GABRB1: variants seen among roughly 807,000 people sequenced by gnomAD.
The protein encoded by GABRB1 is gamma-aminobutyric acid type A receptor subunit beta1.
In GABRB1, 17 loss-of-function variants were observed where a neutral mutation model predicts 51.6. That is an observed-to-expected ratio of 0.33 (90% CI 0.23 to 0.49). The LOEUF (loss-of-function observed/expected upper bound fraction) is 0.49, where lower values mean the gene tolerates loss of function less well. Ranked by LOEUF, GABRB1 falls within the 20% of genes least tolerant of loss-of-function variation. The probability of loss-of-function intolerance (pLI) is 0.99; values close to 1 mark genes in which losing one functional copy is unlikely to be tolerated. For missense variants in GABRB1, 410 were observed against 600.6 expected, an observed-to-expected ratio of 0.68 and a Z score of 3.32; for synonymous variants, 247 against 218.9, an observed-to-expected ratio of 1.13 and a Z score of -1.14.
chr4:47,160,231 A>G (rs967658054), intron 3 of GABRB1, among the ~76,000 whole-genome samples: 2 of 152,114 alleles, frequency 1.3e-5, no homozygotes, highest in Admixed American at 6.6e-5. Flanking sequence ...GAAGGTGAAG[A>G]AACAAACTTT....
intron 3 of GABRB1, among the ~76,000 whole-genome samples, chr4:47,114,849 T>C (rs1715396100): frequency 6.6e-6 from 1 of 152,198 alleles, no homozygotes; most frequent in Non-Finnish European, 1.5e-5. Context: ...ACATGGCTAC[T>C]ATCTAAGCGC....
intron 5 of GABRB1, among the ~76,000 whole-genome samples, chr4:47,390,741 G>C (rs1323434963): frequency 6.6e-6 from 1 of 152,162 alleles, no homozygotes; most frequent in Admixed American, 6.5e-5. Context: ...GGTTGTTTAG[G>C]TGTGAGTAAA....
At chr4:47,410,945 A>G (rs912899678) in intron 8 of GABRB1, among the ~76,000 whole-genome samples, 1 of 152,242 alleles carries the variant, frequency 6.6e-6, no homozygotes, top group Non-Finnish European at 1.5e-5. Flanking sequence ...AAGTCTCCAC[A>G]TATTCTGGAT....
intron 5 of GABRB1, among the ~76,000 whole-genome samples, chr4:47,397,415 T>G (rs182092230): frequency 7.9e-5 from 12 of 152,344 alleles, no homozygotes; most frequent in South Asian, 2.1e-4. Flanking sequence ...TATCATATTC[T>G]AAATTTTCCT....
At chr4:47,134,864 C>A (rs1216624437) in intron 3 of GABRB1, among the ~76,000 whole-genome samples, 1 of 152,184 alleles carries the variant, frequency 6.6e-6, no homozygotes, top group African/African-American at 2.4e-5. Flanking sequence ...GGCCTCTAAT[C>A]CCAGCACTTT....
Position 47,394,788 on chromosome 4 carries a change from C to T in GABRB1, c.545-8530C>T, listed in dbSNP as rs1017861981. Among the ~76,000 whole-genome samples the T allele has an allele frequency of 1.0e-4, 15 of 150,056 alleles. 1 individual carries two copies. Among genetic ancestry groups the T allele is most frequent in the Admixed American group, 6.0e-4 (9 of 15,050 alleles). On this transcript the variant is annotated intron_variant, in intron 5 of 8. Transcript: ENST00000295454. ...CTCAGGCTTGGCATCAGCACTTCCC[C>T]TTCTTCCAAGCCAATTGGTTTGTTT... is the stretch of plus-strand genomic sequence containing the variant.
intron 4 of GABRB1, among the ~76,000 whole-genome samples, chr4:47,236,879 G>A (rs1721351365): frequency 6.6e-6 from 1 of 151,994 alleles, no homozygotes; most frequent in Non-Finnish European, 1.5e-5. Flanking sequence ...AAAAGAAAAA[G>A]GTAAAGTTGT....
At chr4:47,380,732 T>A (rs1486156440) in intron 5 of GABRB1, among the ~76,000 whole-genome samples, 4 of 152,202 alleles carry the variant, frequency 2.6e-5, no homozygotes. Context: ...TATTATGGTT[T>A]TTGCTTATAT....
At chr4:47,210,793 G>A (rs564261992) in intron 4 of GABRB1, among the ~76,000 whole-genome samples, 2 of 152,266 alleles carry the variant, frequency 1.3e-5, no homozygotes, top group East Asian at 3.9e-4. Flanking sequence ...TGTCCTAAGA[G>A]AACTCTGGTG....
intron 5 of GABRB1, among the ~76,000 whole-genome samples, chr4:47,322,743 G>T (rs767543589): frequency 6.6e-6 from 1 of 152,080 alleles, no homozygotes; most frequent in African/African-American, 2.4e-5. Flanking sequence ...GGCCAAGAAG[G>T]GTGGATCGCC....
intron 4 of GABRB1, among the ~76,000 whole-genome samples, chr4:47,206,057 A>T (rs1181158979): frequency 1.8e-5 from 2 of 109,778 alleles, no homozygotes; most frequent in East Asian, 4.1e-4. Context: ...TCACAGGATT[A>T]AAAAAAAAAT....
chr4:47,232,384 T>C (rs1721170581), intron 4 of GABRB1, among the ~76,000 whole-genome samples: 1 of 152,346 alleles, frequency 6.6e-6, no homozygotes, highest in Middle Eastern at 3.4e-3. Context: ...CATTCCTATT[T>C]CTTCTTTTAA....
intron 5 of GABRB1, among the ~76,000 whole-genome samples, chr4:47,386,684 C>A (rs1013922717): frequency 1.3e-5 from 2 of 151,974 alleles, no homozygotes; most frequent in African/African-American, 4.8e-5. Context: ...CACCACATGG[C>A]TATTTGTGTT....
At chr4:47,148,539 T>A (rs1717280786) in intron 3 of GABRB1, among the ~76,000 whole-genome samples, 1 of 152,036 alleles carries the variant, frequency 6.6e-6, no homozygotes, top group Non-Finnish European at 1.5e-5. Context: ...CTACTATAAC[T>A]AATGATTAAT....
intron 4 of GABRB1, among the ~76,000 whole-genome samples, chr4:47,246,357 T>C (rs1416379172): frequency 6.4e-4 from 16 of 24,838 alleles, no homozygotes; most frequent in African/African-American, 2.3e-3. Context: ...TATATATATA[T>C]ATATATATAT....
intron 3 of GABRB1, among the ~76,000 whole-genome samples, chr4:47,072,775 T>C (rs979208625): frequency 9.2e-5 from 14 of 152,232 alleles, no homozygotes; most frequent in African/African-American, 3.4e-4. Context: ...TGAGTTGCGA[T>C]GGTTTTCTTG....
intron 4 of GABRB1, among the ~76,000 whole-genome samples, chr4:47,246,277 CATATAT>C (rs1160512931): frequency 2.7e-5 from 2 of 72,746 alleles, no homozygotes; most frequent in Non-Finnish European, 5.4e-5. Context: ...AGTATTCCAT[CATATAT>C]ATATATATAT....
intron 3 of GABRB1, among the ~76,000 whole-genome samples, chr4:47,129,749 G>A (rs1021942610): frequency 5.3e-5 from 8 of 152,162 alleles, no homozygotes; most frequent in South Asian, 2.1e-4. Context: ...TGGTTGGGCC[G>A]AGTGGAAAGA....
At chr4:47,022,610 G>A (rs1044917027) in intron 1 of GABRB1, among the ~76,000 whole-genome samples, 4 of 151,760 alleles carry the variant, frequency 2.6e-5, no homozygotes, top group African/African-American at 7.3e-5. Flanking sequence ...ATGTCATCTC[G>A]CCCCAGTTAA....
Sources: gnomAD v4.1 joint callset for allele counts (sites outside exome capture counted in the v4.1 genomes callset) on GRCh38, gnomAD v4.1.1 for gene constraint, MANE v1.5 for transcripts, NCBI Gene and HGNC (gene_info 2026-07-23, HGNC 2026-07-21) for gene names.